Variants in PCDH11X observed in about 807,000 individuals in gnomAD.
PCDH11X encodes protocadherin-11 X-linked.
In PCDH11X, 18 loss-of-function variants were observed where a neutral mutation model predicts 53.3. The ratio of observed to expected loss-of-function variants is 0.34; its 90% CI spans 0.23 to 0.50. The LOEUF (loss-of-function observed/expected upper bound fraction) is 0.50. Among genes scored for constraint, PCDH11X ranks in the 20% least tolerant of loss-of-function variants. PCDH11X has a pLI of 0.98. For synonymous variants in PCDH11X, 279 were observed against 393.3 expected (o/e 0.71, Z 3.44); for missense variants, 570 against 1,032.4 (o/e 0.55, Z 6.14).
intron 7 of PCDH11X, among the ~76,000 whole-genome samples, chrX:92,230,738 T>A (rs2067061448): frequency 9.4e-6 from 1 of 106,048 alleles, no homozygotes; most frequent in Admixed American, 1.1e-4. Flanking sequence ...ACTTTTCAGA[T>A]GAAAAGGGAT....
chrX:92,106,919 G>A (rs2064396752), intron 6 of PCDH11X, among the ~76,000 whole-genome samples: 2 of 111,440 alleles, frequency 1.8e-5, no homozygotes, highest in Non-Finnish European at 3.8e-5. Context: ...ACCAGCATTA[G>A]CATCAACACA....
intron 7 of PCDH11X, among the ~76,000 whole-genome samples, chrX:92,210,233 T>TTTTTTTTTC (rs2066557585): frequency 1.0e-3 from 13 of 12,546 alleles, no homozygotes; most frequent in African/African-American, 1.8e-3. Flanking sequence ...AAATGGGCTT[T>TTTTTTTTTC]TTTTTTTTTT....
chrX:92,458,259 GTA>G (rs1261651650), intron 9 of PCDH11X, among the ~76,000 whole-genome samples: 1 of 98,126 alleles, frequency 1.0e-5, no homozygotes, highest in East Asian at 3.2e-4. Flanking sequence ...TATAATAGTT[GTA>G]TATTTTTATG....
chrX:92,201,261 T>G, intron 6 of PCDH11X, 114 bp from the exon 7 acceptor site: 1 of 1,016,653 alleles, frequency 9.8e-7, no homozygotes. Flanking sequence ...TAAAAAGAGA[T>G]AATCTACCCA....
At chrX:92,606,805 C>T (rs182038746) in intron 10 of PCDH11X, among the ~76,000 whole-genome samples, 15 of 111,302 alleles carry the variant, frequency 1.3e-4, no homozygotes, top group African/African-American at 4.6e-4. Flanking sequence ...ATAAAAAGAA[C>T]TTGTAAAATC....
chrX:92,583,056 T>C (rs1250640297), intron 10 of PCDH11X, among the ~76,000 whole-genome samples: 1 of 108,062 alleles, frequency 9.3e-6, no homozygotes, highest in East Asian at 2.9e-4. Context: ...TACAGTCTCA[T>C]AGGTGGAAGG....
In PCDH11X at chrX:92,411,563, G is replaced by A. The variant is rs1238654649; in HGVS notation, c.3343+23630G>A. ...CCGTTCCTGTTTGCTGAGGATGATGGTTTCCAGCTTCATCCATGTCCCTGC... is the reference window on the plus strand; with the variant it reads ...CCGTTCCTGTTTGCTGAGGATGATGATTTCCAGCTTCATCCATGTCCCTGC... On this transcript the variant is annotated intron_variant, in intron 9 of 10. Transcript: ENST00000682573. 4.6e-5 allele frequency among the ~76,000 whole-genome samples: 5 copies of A among 109,215 alleles called. No homozygotes were observed. In the South Asian group the frequency reaches 1.6e-3, roughly 35 times the overall value. The allele number at this position is 109,215 out of a possible 115,157, so 94.8% of individuals were successfully genotyped here.
chrX:92,277,714 G>T (rs2068137178), intron 8 of PCDH11X, among the ~76,000 whole-genome samples: 1 of 109,946 alleles, frequency 9.1e-6, no homozygotes, highest in Non-Finnish European at 1.9e-5. Flanking sequence ...AGGGGTCGGG[G>T]CATGGAAATA....
chrX:92,045,101 T>C (rs1423541870), intron 6 of PCDH11X, among the ~76,000 whole-genome samples: 1 of 101,239 alleles, frequency 9.9e-6, no homozygotes, highest in Non-Finnish European at 1.9e-5. Context: ...AATGACAACA[T>C]AGACTTTTTC....
chrX:92,128,294 C>T (rs2064907313), intron 6 of PCDH11X, among the ~76,000 whole-genome samples: 1 of 110,485 alleles, frequency 9.1e-6, no homozygotes, highest in South Asian at 3.8e-4. Context: ...TGGAATACAC[C>T]TGCTGAAAAA....
chrX:92,356,203 C>G (rs189234677), intron 8 of PCDH11X, among the ~76,000 whole-genome samples: 493 of 111,552 alleles, frequency 4.4e-3, no homozygotes, highest in African/African-American at 0.014. Flanking sequence ...TCTTCCTTTG[C>G]CAGCAAAGAA....
At chrX:92,531,164 A>G (rs1287381775) in intron 10 of PCDH11X, among the ~76,000 whole-genome samples, 2 of 110,777 alleles carry the variant, frequency 1.8e-5, no homozygotes, top group Non-Finnish European at 3.8e-5. Flanking sequence ...ATTTCTTGTA[A>G]GAATTTAAGA....
intron 6 of PCDH11X, among the ~76,000 whole-genome samples, chrX:91,889,638 T>G (rs1436652864): frequency 9.0e-6 from 1 of 111,710 alleles, no homozygotes; most frequent in Non-Finnish European, 1.9e-5. Flanking sequence ...TTACACAAAT[T>G]TAATTATCCA....
Position 92,421,900 on chromosome X carries a change from G to A in PCDH11X, c.3343+33967G>A, listed in dbSNP as rs183224161. Among the ~76,000 whole-genome samples the A allele has an allele frequency of 2.5e-3, 278 of 111,135 alleles. 1 individual carries two copies. The highest frequency in any genetic ancestry group is 8.6e-3 in the African/African-American group (265 of 30,671). On this transcript the variant is annotated intron_variant, in intron 9 of 10. Transcript: ENST00000682573. ...TCAAGTACTTTGCCCACTTTTTAAT[G>A]GAGTTGTTTGTTTTTTGCTTGTTAA...
rs182350030 is a variant in PCDH11X, at chrX:92,095,930, A to G, written c.3034-105445A>G. Among the ~76,000 whole-genome samples, 737 of 112,151 alleles carry G rather than the reference A, an allele frequency of 6.6e-3. 12 individuals carry two copies. Among genetic ancestry groups the G allele is most frequent in the Non-Finnish European group, 8.3e-3 (440 of 53,197 alleles). ...TTCAAGTTCCAAGACGAAGAGAATC[A>G]TTGAGCACTTTTAGGCCAATCATCA... is the stretch of plus-strand genomic sequence containing the variant. On this transcript the variant is annotated intron_variant, in intron 6 of 10. Coordinates refer to ENST00000682573, the MANE Select transcript of PCDH11X (RefSeq NM_032968.5).
At chrX:92,321,754 A>G (rs1321239299) in intron 8 of PCDH11X, among the ~76,000 whole-genome samples, 2 of 111,274 alleles carry the variant, frequency 1.8e-5, no homozygotes, top group Admixed American at 9.6e-5. Context: ...GGAAGGAAGT[A>G]TAATGAGGAG....
intron 10 of PCDH11X, among the ~76,000 whole-genome samples, chrX:92,599,773 A>C (rs1451005002): frequency 9.0e-6 from 1 of 111,709 alleles, no homozygotes; most frequent in Non-Finnish European, 1.9e-5. Context: ...GGCTCAGAAG[A>C]CAGGAAGATG....
chrX:92,207,790 C>T (rs1223026175), intron 7 of PCDH11X, among the ~76,000 whole-genome samples: 4 of 111,340 alleles, frequency 3.6e-5, no homozygotes, highest in Non-Finnish European at 7.5e-5. Flanking sequence ...ACATAACTGA[C>T]TTCTGGCAAA....
At chrX:92,451,495 G>A (rs1183694875) in intron 9 of PCDH11X, among the ~76,000 whole-genome samples, 1 of 107,037 alleles carries the variant, frequency 9.3e-6, no homozygotes, top group Non-Finnish European at 1.9e-5. Context: ...TGATTTAAAT[G>A]GAAAACCTTA....
Sources: gnomAD v4.1 joint callset for allele counts (sites outside exome capture counted in the v4.1 genomes callset) on GRCh38, gnomAD v4.1.1 for gene constraint, MANE v1.5 for transcripts, NCBI Gene and HGNC (gene_info 2026-07-23, HGNC 2026-07-21) for gene names.